Variants in RSF1 observed in about 807,000 individuals in gnomAD.
RSF1 encodes remodeling and spacing factor 1.
In RSF1, 13 loss-of-function variants were observed where a neutral mutation model predicts 145.2. The observed-to-expected ratio is 0.09, with a 90% confidence interval of 0.06 to 0.14. The LOEUF is 0.14. Among genes scored for constraint, RSF1 ranks in the 10% least tolerant of loss-of-function variants. RSF1 has a pLI of 1.00. For missense variants in RSF1, 1,517 were observed against 1,718.2 expected (o/e 0.88, Z 2.07); for synonymous variants, 577 against 592.6 (o/e 0.97, Z 0.38).
At chr11:77,677,541 T>C (rs1024765436) in intron 12 of RSF1, among the ~76,000 whole-genome samples, 3 of 152,222 alleles carry the variant, frequency 2.0e-5, no homozygotes, top group African/African-American at 7.2e-5. Context: ...TTAAACAATC[T>C]ACTTATTAAT....
chr11:77,761,123 T>C lies in RSF1; in HGVS notation c.279+3475A>G, dbSNP rs536616471. On this transcript the variant is annotated intron_variant, in intron 2 of 15. Coordinates refer to ENST00000308488, the MANE Select transcript of RSF1 (RefSeq NM_016578.4). Reference sequence around the variant, plus strand: ...AGCTAATTTTTTTTTGTATTTTCAGTAGGGACGGGGTTTCACCATGTTGGT... The same window carrying C: ...AGCTAATTTTTTTTTGTATTTTCAGCAGGGACGGGGTTTCACCATGTTGGT... Among the ~76,000 whole-genome samples, 9 of 152,152 alleles carry C rather than the reference T, an allele frequency of 5.9e-5. No homozygotes were observed. The South Asian group carries it at 1.9e-3, about 32-fold the overall frequency.
chr11:77,727,037 A>G (rs1359556851), intron 4 of RSF1, among the ~76,000 whole-genome samples: 5 of 152,250 alleles, frequency 3.3e-5, no homozygotes. Flanking sequence ...TGAGAATAAA[A>G]CATACATGTT....
At chr11:77,827,435 C>T in the RSF1 span, among the ~76,000 whole-genome samples, 1 of 152,120 alleles carries the variant, frequency 6.6e-6, no homozygotes, top group Non-Finnish European at 1.5e-5. Context: ...AAGGATTATA[C>T]ACCATAAACA....
chr11:77,693,147 T>G (rs959078417), intron 8 of RSF1, among the ~76,000 whole-genome samples: 13 of 152,208 alleles, frequency 8.5e-5, no homozygotes, highest in Non-Finnish European at 1.9e-4. Flanking sequence ...TCTACAAAAC[T>G]ACTGACAAAT....
intron 5 of RSF1, chr11:77,703,482 T>C (rs1371401329): frequency 6.6e-6 from 1 of 152,226 alleles, no homozygotes; most frequent in Non-Finnish European, 1.5e-5. Flanking sequence ...TACTGAGACA[T>C]AAATTTTTTT....
Position 77,820,386 on chromosome 11 carries a change from G to C in RSF1, c.187+142C>G. ...AAGACCCCGGGGGCTGGGCGGAGAA[G>C]ACCAGCCCGGCGGAGTTGCGTCCCA... On this transcript the variant is annotated intron_variant, in intron 1 of 15. Coordinates refer to ENST00000308488, the MANE Select transcript of RSF1 (RefSeq NM_016578.4). 5.5e-6 allele frequency: 5 copies of C among 903,250 alleles called. No homozygotes were observed. In the South Asian group the frequency reaches 8.7e-5, roughly 16 times the overall value. 56.0% of individuals were successfully genotyped at this position (903,250 alleles called of 1,614,324 possible).
intron 5 of RSF1, among the ~76,000 whole-genome samples, chr11:77,720,971 A>AT (rs370090498): frequency 1.7e-4 from 26 of 152,216 alleles, no homozygotes; most frequent in Middle Eastern, 6.8e-3. Flanking sequence ...GCCATTTTCC[A>AT]TTTTTTTGCC....
intron 3 of RSF1, among the ~76,000 whole-genome samples, chr11:77,742,407 G>GT (rs951134241): frequency 2.0e-5 from 3 of 152,126 alleles, no homozygotes; most frequent in Admixed American, 6.5e-5. Context: ...AGCCTCCTGA[G>GT]TAGCTGGGAC....
intron 9 of RSF1, among the ~76,000 whole-genome samples, chr11:77,686,794 C>A (rs1243352788): frequency 6.6e-6 from 1 of 152,068 alleles, no homozygotes; most frequent in Non-Finnish European, 1.5e-5. Flanking sequence ...AAATGTATAT[C>A]CATCCCTCTT....
At chr11:77,740,661 T>C (rs1030261230) in intron 4 of RSF1, 70 bp downstream of exon 4, 2 of 1,413,754 alleles carry the variant, frequency 1.4e-6, no homozygotes, top group Admixed American at 1.7e-5. Flanking sequence ...ATAGATAACA[T>C]CCTAGTTTTG....
At chr11:77,872,149 T>G in the RSF1 span, 1 of 1,605,648 alleles carries the variant, frequency 6.2e-7, no homozygotes, top group African/African-American at 1.3e-5. Flanking sequence ...TCCCCCTACT[T>G]ACTCATCTCT....
intron 4 of RSF1, chr11:77,734,592 G>A: frequency 6.5e-7 from 1 of 1,533,362 alleles, no homozygotes; most frequent in Non-Finnish European, 8.9e-7. Context: ...ATTCTTTGAT[G>A]GCTTTCACCT....
intron 11 of RSF1, among the ~76,000 whole-genome samples, chr11:77,678,831 C>G (rs1959783516): frequency 6.6e-6 from 1 of 152,158 alleles, no homozygotes; most frequent in Admixed American, 6.6e-5. Context: ...AAGGTGCCAT[C>G]TATGAACCAG....
At chr11:77,842,674 G>A in the RSF1 span, 1 of 1,598,956 alleles carries the variant, frequency 6.3e-7, no homozygotes, top group African/African-American at 1.3e-5. Context: ...CTGACCAAGT[G>A]ATTTCCAACT....
chr11:77,804,288 G>A (rs749417145), intron 1 of RSF1, among the ~76,000 whole-genome samples: 5 of 152,116 alleles, frequency 3.3e-5, no homozygotes, highest in Non-Finnish European at 7.4e-5. Context: ...ACTTTCTTGA[G>A]TTCTGTGAGT....
intron 1 of RSF1, among the ~76,000 whole-genome samples, chr11:77,787,733 T>A (rs1275554098): frequency 6.6e-6 from 1 of 151,230 alleles, no homozygotes; most frequent in Non-Finnish European, 1.5e-5. Flanking sequence ...ATCAAGAATA[T>A]CATAGGAATA....
chr11:77,754,949 C>A (rs35546645), intron 2 of RSF1, among the ~76,000 whole-genome samples: 27,191 of 151,590 alleles, frequency 0.18, 3,061 homozygotes, highest in African/African-American at 0.3. Flanking sequence ...AGCCTGGTTG[C>A]CACAGTGAGA....
At chr11:77,831,596 C>A in the RSF1 span, among the ~76,000 whole-genome samples, 3 of 152,050 alleles carry the variant, frequency 2.0e-5, no homozygotes, top group Non-Finnish European at 4.4e-5. Context: ...TCTACCCTTA[C>A]CTTCTTGATT....
rs759406195 is a variant in RSF1, at chr11:77,773,283, A to AT, written c.188-8595dup. Among the ~76,000 whole-genome samples the AT allele has an allele frequency of 2.7e-3, 395 of 146,756 alleles. 2 individuals are homozygous for AT. Among genetic ancestry groups the AT allele is most frequent in the African/African-American group, 8.4e-3 (337 of 40,258 alleles). On this transcript the variant is annotated intron_variant, in intron 1 of 15. Transcript: ENST00000308488. ...TACTGTGAAATTTGCCATTTTAATCATTTTTTTTTTTAGTGTACAATCAGT... is the reference window on the plus strand; with the variant it reads ...TACTGTGAAATTTGCCATTTTAATCATTTTTTTTTTTTAGTGTACAATCAGT...
Sources: allele counts gnomAD v4.1 joint callset (sites outside exome capture counted in the v4.1 genomes callset), GRCh38; gene constraint gnomAD v4.1.1; transcripts MANE v1.5; gene names NCBI Gene and HGNC (gene_info 2026-07-23, HGNC 2026-07-21).